KCNJ6: variants seen among roughly 807,000 people sequenced by gnomAD.
The protein encoded by KCNJ6 is G protein-activated inward rectifier potassium channel 2.
A neutral mutation model predicts 34.2 loss-of-function variants in KCNJ6; 9 were observed. The observed-to-expected ratio is 0.26, with a 90% CI of 0.16 to 0.46. The LOEUF (loss-of-function observed/expected upper bound fraction) is 0.46, where lower values mean the gene tolerates loss of function less well. Among genes scored for constraint, KCNJ6 ranks in the 20% least tolerant of loss-of-function variants. The probability of loss-of-function intolerance (pLI) is 1.00; values close to 1 mark genes in which losing one functional copy is unlikely to be tolerated. For synonymous variants in KCNJ6, 196 were observed against 207.1 expected (o/e 0.95, Z 0.46); for missense variants, 236 against 531.3 (o/e 0.44, Z 5.46).
intron 1 of KCNJ6, among the ~76,000 whole-genome samples, chr21:37,865,660 T>C (rs550080677): frequency 2.6e-5 from 4 of 152,242 alleles, no homozygotes; most frequent in Non-Finnish European, 5.9e-5. Context: ...GCTGAGGCAC[T>C]ACGTGCTCTT....
At chr21:37,680,460 A>G (rs2054585725) in intron 3 of KCNJ6, among the ~76,000 whole-genome samples, 1 of 152,230 alleles carries the variant, frequency 6.6e-6, no homozygotes, top group Non-Finnish European at 1.5e-5. Context: ...TTTATATATC[A>G]ACTCGACTGG....
At chr21:37,709,127 T>C (rs2054736444) in intron 3 of KCNJ6, among the ~76,000 whole-genome samples, 1 of 130,102 alleles carries the variant, frequency 7.7e-6, no homozygotes, top group Admixed American at 7.8e-5. Context: ...ATTGATAACA[T>C]TTGGAAACAG....
chr21:37,743,934 G>T (rs553275707), intron 2 of KCNJ6, among the ~76,000 whole-genome samples: 3 of 151,822 alleles, frequency 2.0e-5, no homozygotes, highest in African/African-American at 7.3e-5. Context: ...ATCCCACGAA[G>T]ATTTTTGTGG....
At position 37,823,482 on chromosome 21, in the gene KCNJ6, G is replaced by A. The variant is rs539445344; in HGVS notation, c.25+17176C>T. Among the ~76,000 whole-genome samples, 159 of 152,260 alleles carry A rather than the reference G, an allele frequency of 1.0e-3. 1 individual carries two copies. Among genetic ancestry groups the A allele is most frequent in the Middle Eastern group, 6.8e-3 (2 of 294 alleles). On this transcript the variant is annotated intron_variant, in intron 2 of 3. Coordinates refer to ENST00000609713, the MANE Select transcript of KCNJ6 (RefSeq NM_002240.5). The stretch of plus-strand genomic sequence containing the variant: ...CCATAATCCCCACATGTCAAGGGAG[G>A]GACCTGGTGGGAGGTGATTGGATCA...
chr21:37,841,824 A>G (rs529666873), intron 1 of KCNJ6, among the ~76,000 whole-genome samples: 18 of 152,304 alleles, frequency 1.2e-4, no homozygotes, highest in African/African-American at 4.3e-4. Flanking sequence ...CATTTAATTT[A>G]CTTAGAATTT....
At chr21:37,909,522 C>T (rs759281472) in intron 1 of KCNJ6, among the ~76,000 whole-genome samples, 6 of 152,114 alleles carry the variant, frequency 3.9e-5, no homozygotes, top group African/African-American at 4.8e-5. Flanking sequence ...TGTGCCTCCA[C>T]ACCTGGCTGA....
intron 3 of KCNJ6, among the ~76,000 whole-genome samples, chr21:37,702,763 A>G (rs1338499987): frequency 1.3e-5 from 2 of 152,174 alleles, no homozygotes; most frequent in African/African-American, 4.8e-5. Flanking sequence ...GAAGAGGAGA[A>G]TAGCTTGCAG....
intron 2 of KCNJ6, among the ~76,000 whole-genome samples, chr21:37,748,682 C>T (rs1052611134): frequency 6.6e-6 from 1 of 152,212 alleles, no homozygotes; most frequent in Non-Finnish European, 1.5e-5. Flanking sequence ...GCTCTAAATT[C>T]CCAACAGGCT....
intron 2 of KCNJ6, among the ~76,000 whole-genome samples, chr21:37,721,266 AAG>A (rs929559996): frequency 3.3e-5 from 5 of 152,234 alleles, no homozygotes; most frequent in African/African-American, 1.2e-4. Flanking sequence ...ATTTTAAAAA[AAG>A]AAAATAGCAA....
Position 37,820,925 on chromosome 21 carries a change from A to G in KCNJ6, c.25+19733T>C, listed in dbSNP as rs565391812. Among the ~76,000 whole-genome samples, 11 of 152,314 alleles carry G rather than the reference A, an allele frequency of 7.2e-5. No homozygotes were observed. In the East Asian group the frequency reaches 2.1e-3, roughly 29 times the overall value. On this transcript the variant is annotated intron_variant, in intron 2 of 3. Transcript: ENST00000609713. ...AAGTAGAAAATAACCCTCTGTGTTC[A>G]ATATTATTTCTTGTTGAAAAACTTA...
In KCNJ6 at chr21:37,786,368, G is replaced by A. The variant is rs542181018; in HGVS notation, c.25+54290C>T. 3.9e-5 allele frequency among the ~76,000 whole-genome samples: 6 copies of A among 152,296 alleles called. No individual in the cohort carries two copies. The South Asian group carries it at 1.2e-3, about 32-fold the overall frequency. On this transcript the variant is annotated intron_variant, in intron 2 of 3. Coordinates refer to ENST00000609713, the MANE Select transcript of KCNJ6 (RefSeq NM_002240.5). ...TGAACCCCATGTGCTTCTTCCTGTT[G>A]GGGCATCCACTTGGGGATCCCAAGA...
At chr21:37,789,503 A>G (rs995995371) in intron 2 of KCNJ6, among the ~76,000 whole-genome samples, 6 of 152,174 alleles carry the variant, frequency 3.9e-5, no homozygotes, top group African/African-American at 1.2e-4. Flanking sequence ...TCCAGCCCCT[A>G]GAATTGTGAG....
At chr21:37,790,405 T>C (rs2055211490) in intron 2 of KCNJ6, among the ~76,000 whole-genome samples, 1 of 152,216 alleles carries the variant, frequency 6.6e-6, no homozygotes, top group Admixed American at 6.5e-5. Context: ...CATTTATTAT[T>C]GCCCTCTTTT....
chr21:37,854,147 A>G (rs2055552741), intron 1 of KCNJ6, among the ~76,000 whole-genome samples: 1 of 151,802 alleles, frequency 6.6e-6, no homozygotes, highest in Non-Finnish European at 1.5e-5. Flanking sequence ...AGAGATTAGC[A>G]GAGTGTATAA....
chr21:37,753,677 C>T (rs986487541), intron 2 of KCNJ6, among the ~76,000 whole-genome samples: 1 of 152,162 alleles, frequency 6.6e-6, no homozygotes, highest in Non-Finnish European at 1.5e-5. Context: ...TCTCTGTTCT[C>T]TTTTTCTTTT....
intron 3 of KCNJ6, among the ~76,000 whole-genome samples, chr21:37,633,161 C>T (rs2054341368): frequency 6.6e-6 from 1 of 151,972 alleles, no homozygotes; most frequent in South Asian, 2.1e-4. Flanking sequence ...GGGTTTATTC[C>T]AAGGAATGCA....
chr21:37,861,027 A>G (rs912351228), intron 1 of KCNJ6, among the ~76,000 whole-genome samples: 2 of 152,246 alleles, frequency 1.3e-5, no homozygotes, highest in African/African-American at 2.4e-5. Context: ...TACATAGTTT[A>G]TGAAACTACA....
chr21:37,607,463 G>GATAGATAT lies in KCNJ6; in HGVS notation c.*17695_*17696insATATCTAT, dbSNP rs1556007713. 2 of 128,730 alleles carry GATAGATAT rather than the reference G, an allele frequency of 1.6e-5. No homozygotes were observed. Among genetic ancestry groups the GATAGATAT allele is most frequent in the African/African-American group, 5.9e-5 (2 of 34,022 alleles). The allele number at this position is 128,730 out of a possible 1,614,324, so 8.0% of individuals were successfully genotyped here. On this transcript the variant is annotated 3_prime_UTR_variant, in exon 4 of 4. Coordinates refer to ENST00000609713, the MANE Select transcript of KCNJ6 (RefSeq NM_002240.5). ...TTCCCTAACACAGCGAGTTCTTAAA[G>GATAGATAT]ATATATATATATATATATATTTTTT...
chr21:37,883,610 A>G (rs933906218), intron 1 of KCNJ6, among the ~76,000 whole-genome samples: 2 of 152,140 alleles, frequency 1.3e-5, no homozygotes, highest in African/African-American at 4.8e-5. Context: ...GCTTATGTAA[A>G]TGCATTTGAA....
Sources: gnomAD v4.1 joint callset for allele counts (sites outside exome capture counted in the v4.1 genomes callset) on GRCh38, gnomAD v4.1.1 for gene constraint, MANE v1.5 for transcripts, NCBI Gene and HGNC (gene_info 2026-07-23, HGNC 2026-07-21) for gene names.